Variants in MDN1 observed in about 807,000 individuals in gnomAD.
The protein encoded by MDN1 is midasin AAA ATPase 1.
In MDN1, 266 loss-of-function variants were observed where a neutral mutation model predicts 669.2. The observed-to-expected ratio is 0.40, with a 90% CI of 0.36 to 0.44. The LOEUF (loss-of-function observed/expected upper bound fraction) is 0.44, where lower values mean the gene tolerates loss of function less well. MDN1 is among the 20% of genes least tolerant of loss of function. The pLI, the probability that MDN1 is intolerant of heterozygous loss-of-function variation, is 1.00. For synonymous variants in MDN1, 2,385 were observed against 2,457.1 expected, an observed-to-expected ratio of 0.97 and a Z score of 0.87; for missense variants, 5,940 against 6,754.0, an observed-to-expected ratio of 0.88 and a Z score of 4.22.
chr6:89,785,123 G>A lies in MDN1; in HGVS notation c.1338C>T (p.Leu446=). The A allele has an allele frequency of 6.2e-7, 1 of 1,609,100 alleles. No homozygotes were observed. Among genetic ancestry groups the A allele is most frequent in the Non-Finnish European group, 8.5e-7 (1 of 1,176,066 alleles). The change falls in exon 9 of 102, where the codon CTC becomes CTT. Residue 446 remains leucine (L), a synonymous_variant. Transcript: ENST00000369393. ...PGFQFFATRR[L]LSCGGNWYRP... ...GATACCAATTTCCTCCACAGCTCAA[G>A]AGTCTACGTTTCAAAATAAAAAACA...
At chr6:89,812,226 C>T (rs1209034842) in intron 1 of MDN1, among the ~76,000 whole-genome samples, 6 of 151,778 alleles carry the variant, frequency 4.0e-5, no homozygotes, top group East Asian at 2.0e-4. Flanking sequence ...CCTCGTGATT[C>T]GCCCACCTTG....
chr6:89,819,271 C>A (rs12333150), intron 1 of MDN1, among the ~76,000 whole-genome samples: 1 of 152,258 alleles, frequency 6.6e-6, no homozygotes, highest in East Asian at 1.9e-4. Flanking sequence ...GGGTGAGAGG[C>A]GATGGGAAGG....
At chr6:89,750,242 T>C (rs1288604524) in intron 24 of MDN1, 112 bp downstream of exon 24, 12 of 1,093,594 alleles carry the variant, frequency 1.1e-5, no homozygotes, top group Non-Finnish European at 1.6e-5. Flanking sequence ...AAAAGCCGGC[T>C]GTTACAGCAA....
chr6:89,791,687 C>A (rs542500820), intron 5 of MDN1, among the ~76,000 whole-genome samples: 3 of 152,056 alleles, frequency 2.0e-5, no homozygotes, highest in African/African-American at 7.2e-5. Context: ...CAAAAACATT[C>A]TCAGTCAGAT....
At position 89,712,270 on chromosome 6, in the gene MDN1, G is replaced by A; in HGVS notation, c.7431-14C>T. On this transcript the variant is annotated splice_polypyrimidine_tract_variant and intron_variant, in intron 48 of 101. Transcript: ENST00000369393. ...AAAGGCTGACTCCTGAAATTCATTT[G>A]AATGAACAAACTCAGTACTAGAATA... 1 of 1,598,142 alleles carries A rather than the reference G, an allele frequency of 6.3e-7. No homozygotes were observed. Among genetic ancestry groups the A allele is most frequent in the South Asian group, 1.1e-5 (1 of 90,382 alleles).
intron 7 of MDN1, among the ~76,000 whole-genome samples, chr6:89,788,874 C>A (rs1819107546): frequency 6.6e-6 from 1 of 152,104 alleles, no homozygotes; most frequent in South Asian, 2.1e-4. Flanking sequence ...GCCTGTAATC[C>A]CAGCACTTTG....
At position 89,758,868 on chromosome 6, in the gene MDN1, A is replaced by C. The variant is rs1382717906; in HGVS notation, c.2553T>G (p.Gly851=). 1 of 1,614,136 alleles carries C rather than the reference A, an allele frequency of 6.2e-7. No homozygotes were observed. The highest frequency in any genetic ancestry group is 1.1e-5 in the South Asian group (1 of 91,088). ...AAPEILECLS[G]LLEGSSGSLV... is the part of the protein sequence containing the mutation. ...GGGATCCAGAAGATCCTTCAAGCAA[A>C]CCACTCAGACATTCTAGTATTTCTG... The change falls in exon 18 of 102, where the codon GGT becomes GGG. Residue 851 remains glycine (G), a synonymous_variant. Coordinates refer to ENST00000369393, the MANE Select transcript of MDN1 (RefSeq NM_014611.3).
intron 40 of MDN1, 146 bp from the exon 41 acceptor site, chr6:89,719,371 A>C: frequency 1.5e-6 from 1 of 666,430 alleles, no homozygotes; most frequent in Non-Finnish European, 2.6e-6. Flanking sequence ...TTTCTCTTAT[A>C]AAAAGGATTG....
Position 89,678,634 on chromosome 6 carries a change from G to A in MDN1, c.12377C>T (p.Ala4126Val), listed in dbSNP as rs1163583185. 1.4e-5 allele frequency: 23 copies of A among 1,614,048 alleles called. No homozygotes were observed. Among genetic ancestry groups the A allele is most frequent in the Non-Finnish European group, 1.9e-5 (23 of 1,180,020 alleles). The change falls in exon 75 of 102, where the codon GCT (alanine) becomes GTT (valine). Residue 4126 changes from alanine (A) to valine (V), a missense_variant. Transcript: ENST00000369393. ...AAGGTGTTTAAAGAGGTCTGACAAA[G>A]CTCGCTGTTTTTGCATGAGAATGTG... ...AKHILMQKQR[A>V]LSDLFKHLAK... is the part of the protein sequence containing the mutation.
At position 89,705,923 on chromosome 6, in the gene MDN1, TAA is replaced by T. The variant is rs886292272; in HGVS notation, c.8148+134_8148+135del. 138 of 744,024 alleles carry T rather than the reference TAA, an allele frequency of 1.9e-4. 2 individuals are homozygous for T. The highest frequency in any genetic ancestry group is 1.8e-3 in the Admixed American group (56 of 31,512). The allele number at this position is 744,024 out of a possible 1,614,324, so 46.1% of individuals were successfully genotyped here. A position where few individuals can be genotyped will look rare whatever the true frequency, so the allele number is the denominator to read the frequency against. On this transcript the variant is annotated intron_variant, in intron 53 of 101. Coordinates refer to ENST00000369393, the MANE Select transcript of MDN1 (RefSeq NM_014611.3). ...TTTTAAATATGTGTATAGGTATATT[TAA>T]AACTGTTAAGAATAAGTTTCTTAAA...
chr6:89,784,252 A>G (rs1327815045), intron 9 of MDN1, among the ~76,000 whole-genome samples: 1 of 151,978 alleles, frequency 6.6e-6, no homozygotes, highest in Non-Finnish European at 1.5e-5. Flanking sequence ...GGAGGCAGAG[A>G]TTGCAGTGAG....
At chr6:89,796,341 A>ACC in intron 2 of MDN1, among the ~76,000 whole-genome samples, 1 of 110,230 alleles carries the variant, frequency 9.1e-6, no homozygotes, top group African/African-American at 3.8e-5. Flanking sequence ...AAAAAAAAAA[A>ACC]AAAAAAAAAC....
chr6:89,817,525 G>A (rs1283829935), intron 1 of MDN1, among the ~76,000 whole-genome samples: 1 of 152,156 alleles, frequency 6.6e-6, no homozygotes, highest in Non-Finnish European at 1.5e-5. Context: ...AAGTCTTCCT[G>A]GGGAAGACCA....
chr6:89,804,786 C>T (rs1767901791), intron 1 of MDN1, among the ~76,000 whole-genome samples: 1 of 152,136 alleles, frequency 6.6e-6, no homozygotes, highest in Non-Finnish European at 1.5e-5. Context: ...AATCCCAGCA[C>T]TTTGGGAGGC....
At chr6:89,794,546 AG>A in intron 3 of MDN1, 30 bp downstream of exon 3, 3 of 1,592,172 alleles carry the variant, frequency 1.9e-6, no homozygotes, top group Non-Finnish European at 2.6e-6. Context: ...TCCCCACACT[AG>A]AAGTGCAAAA....
intron 63 of MDN1, among the ~76,000 whole-genome samples, chr6:89,692,147 A>T (rs576956227): frequency 1.3e-5 from 2 of 152,332 alleles, no homozygotes; most frequent in Non-Finnish European, 2.9e-5. Flanking sequence ...GCAAGTTGAC[A>T]TAAGTACCTG....
chr6:89,762,341 C>A lies in MDN1; in HGVS notation c.2334G>T (p.Lys778Asn). Residue 778 changes from lysine (K) to asparagine (N), a missense_variant, in exon 16 of 102, where the codon AAG (lysine) becomes AAT (asparagine). Around this residue, in one of 5 missense-constraint regions of MDN1, gnomAD observed 1,203 missense variants for 1,268.9 expected, o/e 0.95. Coordinates refer to ENST00000369393, the MANE Select transcript of MDN1 (RefSeq NM_014611.3). ...MQHVHKSAVN[K>N]DGKDSETGLL... ...TACCAGTTTCACTGTCTTTTCCATC[C>A]TTGTTAACAGCAGACTTGTGTACAT... The A allele has an allele frequency of 6.2e-7, 1 of 1,614,006 alleles. No homozygotes were observed. Among genetic ancestry groups the A allele is most frequent in the African/African-American group, 1.3e-5 (1 of 75,028 alleles).
At position 89,645,005 on chromosome 6, in the gene MDN1, A is replaced by G. The variant is rs1321889834; in HGVS notation, c.16602+10T>C. ...ACCTCCAGAAAAGGTGGCTTTTAGT[A>G]GTCACTCACCCGTGAACTGGGATTG... On this transcript the variant is annotated intron_variant, in intron 101 of 101. Transcript: ENST00000369393. The G allele has an allele frequency of 6.3e-7, 1 of 1,577,820 alleles. No homozygotes were observed. Among genetic ancestry groups the G allele is most frequent in the Non-Finnish European group, 8.7e-7 (1 of 1,150,894 alleles).
rs147074043 is a variant in MDN1, at chr6:89,675,521, A to T, written c.12704T>A (p.Met4235Lys). 5.2e-5 allele frequency: 84 copies of T among 1,613,998 alleles called. No homozygotes were observed. The African/African-American group carries it at 1.1e-3, about 21-fold the overall frequency. ...CAGGGAGCGCCGCTGTCGGACGAGCATCTTCATCAAATGTGCTGAGAACCC... is the reference window on the plus strand; with the variant it reads ...CAGGGAGCGCCGCTGTCGGACGAGCTTCTTCATCAAATGTGCTGAGAACCC... ...CRGFSAHLMK[M>K]LVRQRRSLTT... The change falls in exon 78 of 102, where the codon ATG (methionine) becomes AAG (lysine). Residue 4235 changes from methionine to lysine, a missense_variant. Around this residue, in one of 5 missense-constraint regions of MDN1, gnomAD observed 2,280 missense variants for 2,576.3 expected, o/e 0.88. Coordinates refer to ENST00000369393, the MANE Select transcript of MDN1 (RefSeq NM_014611.3).
Sources: gnomAD v4.1 joint callset for allele counts (sites outside exome capture counted in the v4.1 genomes callset) on GRCh38, gnomAD v4.1.1 for gene constraint, gnomAD v4.1.1 regional missense constraint, MANE v1.5 for transcripts, NCBI Gene and HGNC (gene_info 2026-07-23, HGNC 2026-07-21) for gene names.